C2CD3: variants seen among roughly 807,000 people sequenced by gnomAD.
C2CD3 encodes the protein C2 domain-containing protein 3.
Under a neutral mutation model 234.0 loss-of-function variants are expected in C2CD3, and 148 were observed. That is an observed-to-expected ratio of 0.63 (90% CI 0.55 to 0.72). The LOEUF is 0.72. Among genes scored for constraint, C2CD3 ranks in the 30% least tolerant of loss-of-function variants. The pLI is 0.00. For synonymous variants in C2CD3, 1,000 were observed against 1,035.4 expected (o/e 0.97, Z 0.66); for missense variants, 2,577 against 2,811.5 (o/e 0.92, Z 1.89).
intron 24 of C2CD3, among the ~76,000 whole-genome samples, chr11:74,068,793 GTTTA>G (rs748959127): frequency 4.4e-4 from 67 of 152,008 alleles, no homozygotes; most frequent in Non-Finnish European, 7.9e-4. Context: ...CATCCCTCTG[GTTTA>G]TTTATTTATT....
chr11:74,059,938 C>T (rs559441043), intron 24 of C2CD3, among the ~76,000 whole-genome samples: 47 of 152,286 alleles, frequency 3.1e-4, no homozygotes, highest in African/African-American at 1.0e-3. Flanking sequence ...ACTTTTCCAA[C>T]GGCCTTAGCA....
intron 27 of C2CD3, among the ~76,000 whole-genome samples, chr11:74,049,048 A>G (rs982569423): frequency 6.6e-6 from 1 of 152,208 alleles, no homozygotes; most frequent in Non-Finnish European, 1.5e-5. Flanking sequence ...TTCAGATTCT[A>G]TATGACAACC....
intron 6 of C2CD3, 106 bp from the exon 7 acceptor site, chr11:74,133,078 T>C (rs72984877): frequency 0.028 from 28,936 of 1,038,402 alleles, 485 homozygotes; most frequent in Non-Finnish European, 0.034. Context: ...AAATTTAACA[T>C]ACTTTAGACT....
chr11:74,013,324 G>T lies in C2CD3; in HGVS notation c.*61C>A, dbSNP rs1951758621. 1 of 535,496 alleles carries T rather than the reference G, an allele frequency of 1.9e-6. No homozygotes were observed. The highest frequency in any genetic ancestry group is 2.0e-5 in the African/African-American group (1 of 50,590). 33.2% of individuals were successfully genotyped at this position (535,496 alleles called of 1,614,324 possible). On this transcript the variant is annotated 3_prime_UTR_variant, in exon 33 of 33. Transcript: ENST00000334126. The stretch of plus-strand genomic sequence containing the variant: ...GAGCCAGACCTGGTGCCTCCTGCAA[G>T]CTGGACAAAGCTGACGGAGGGTGGG...
chr11:74,111,665 G>A (rs560336798), intron 11 of C2CD3, among the ~76,000 whole-genome samples: 16 of 152,230 alleles, frequency 1.1e-4, no homozygotes, highest in African/African-American at 3.9e-4. Context: ...GAAACATGGG[G>A]GATGGGAGGC....
intron 3 of C2CD3, among the ~76,000 whole-genome samples, chr11:74,155,458 T>G (rs1855948123): frequency 6.6e-6 from 1 of 152,154 alleles, no homozygotes; most frequent in African/African-American, 2.4e-5. Flanking sequence ...ATATGAATGC[T>G]AATAGCAACA....
intron 29 of C2CD3, 84 bp from the exon 30 acceptor site, chr11:74,037,782 T>C: frequency 9.5e-7 from 1 of 1,054,362 alleles, no homozygotes; most frequent in East Asian, 2.6e-5. Context: ...ACACTACCGC[T>C]TGAGCCAAAG....
chr11:74,038,200 T>G (rs1952835272), intron 29 of C2CD3, among the ~76,000 whole-genome samples: 1 of 152,176 alleles, frequency 6.6e-6, no homozygotes, highest in African/African-American at 2.4e-5. Flanking sequence ...CTATTTCCCC[T>G]GATGTACGGT....
At chr11:74,153,158 C>T (rs1012982303) in intron 3 of C2CD3, among the ~76,000 whole-genome samples, 6 of 152,032 alleles carry the variant, frequency 3.9e-5, no homozygotes, top group African/African-American at 1.4e-4. Flanking sequence ...TTTGAAATTG[C>T]AGTGAGCTAT....
In C2CD3 at chr11:74,037,593, G is replaced by A. The variant is rs750220977; in HGVS notation, c.5766C>T (p.His1922=). ...CAAGATGGTCCCTACAGCTCTCCTG[G>A]TGCTGTGAGATGGCCGTTTGAGTCT... ...SPQTQTAISQ[H]QESCRDHLGP... is the part of the protein sequence containing the mutation. Residue 1922 remains histidine, a synonymous_variant, in exon 30 of 33, where the codon CAC becomes CAT. Transcript: ENST00000334126. 2 of 1,614,128 alleles carry A rather than the reference G, an allele frequency of 1.2e-6. No homozygotes were observed. The highest frequency in any genetic ancestry group is 1.7e-5 in the Admixed American group (1 of 60,018).
At chr11:74,027,371 G>A (rs183786819) in intron 32 of C2CD3, among the ~76,000 whole-genome samples, 115 of 152,330 alleles carry the variant, frequency 7.5e-4, no homozygotes, top group African/African-American at 2.7e-3. Context: ...TCCTCCCAAA[G>A]TGCTGGGATT....
At chr11:74,149,273 G>C (rs1389307372) in intron 3 of C2CD3, among the ~76,000 whole-genome samples, 1 of 152,124 alleles carries the variant, frequency 6.6e-6, no homozygotes, top group African/African-American at 2.4e-5. Context: ...TCCATTTATA[G>C]CTGAACAATT....
intron 2 of C2CD3, among the ~76,000 whole-genome samples, chr11:74,161,778 G>T (rs1856489772): frequency 6.7e-6 from 1 of 148,876 alleles, no homozygotes; most frequent in African/African-American, 2.5e-5. Flanking sequence ...ACTCAAAAAA[G>T]TACAAAAGCA....
At chr11:74,060,338 C>A (rs1565241080) in intron 24 of C2CD3, among the ~76,000 whole-genome samples, 1 of 152,196 alleles carries the variant, frequency 6.6e-6, no homozygotes. Flanking sequence ...GTCCCTGACC[C>A]CTGAGTAGCC....
At chr11:74,107,392 T>G (rs535514300) in intron 12 of C2CD3, among the ~76,000 whole-genome samples, 2 of 151,972 alleles carry the variant, frequency 1.3e-5, no homozygotes, top group East Asian at 3.9e-4. Context: ...TACACAAATA[T>G]GTATATGTTA....
chr11:74,040,772 AAAAC>A lies in C2CD3; in HGVS notation c.5660+1278_5660+1281del, dbSNP rs568104255. Among the ~76,000 whole-genome samples, 330 of 152,110 alleles carry A rather than the reference AAAAC, an allele frequency of 2.2e-3. 2 individuals carry two copies. The highest frequency in any genetic ancestry group is 6.7e-3 in the African/African-American group (277 of 41,488). ...CCCCATCTCAAGAAAAACAAAAACAAAAACAAACAAACAAAAAAGCCGGAAGCCG... is the reference window on the plus strand; with the variant it reads ...CCCCATCTCAAGAAAAACAAAAACAAAAACAAACAAAAAAGCCGGAAGCCG... On this transcript the variant is annotated intron_variant, in intron 29 of 32. Coordinates refer to ENST00000334126, the MANE Select transcript of C2CD3 (RefSeq NM_001286577.2).
At chr11:74,026,954 A>AT (rs1952326766) in intron 32 of C2CD3, among the ~76,000 whole-genome samples, 1 of 138,462 alleles carries the variant, frequency 7.2e-6, no homozygotes, top group Non-Finnish European at 1.5e-5. Flanking sequence ...TGGCGACAGA[A>AT]TAAGCCTCAA....
intron 24 of C2CD3, among the ~76,000 whole-genome samples, chr11:74,067,893 C>A (rs536194911): frequency 1.3e-5 from 2 of 152,030 alleles, no homozygotes; most frequent in East Asian, 1.9e-4. Flanking sequence ...GGAAGGCAGG[C>A]GGGAAGCAGA....
At chr11:74,084,841 G>GA (rs1955568251) in intron 22 of C2CD3, 40 bp downstream of exon 22, 8 of 1,204,384 alleles carry the variant, frequency 6.6e-6, no homozygotes, top group Non-Finnish European at 7.4e-6. Flanking sequence ...AAGTGAAAGG[G>GA]AAAGGGTGGC....
Sources: allele counts gnomAD v4.1 joint callset (sites outside exome capture counted in the v4.1 genomes callset), GRCh38; gene constraint gnomAD v4.1.1; transcripts MANE v1.5; gene names NCBI Gene and HGNC (gene_info 2026-07-23, HGNC 2026-07-21).